The following ITGA7 variants were observed in gnomAD, a reference collection of about 807,000 sequenced individuals.
ITGA7 encodes integrin alpha-7.
ITGA7 carries 84 observed loss-of-function variants against 131.6 expected under a neutral mutation model. The observed-to-expected ratio is 0.64, with a 90% CI of 0.54 to 0.77. The LOEUF is 0.77. Among genes scored for constraint, ITGA7 ranks in the 30% least tolerant of loss-of-function variants. The pLI is 0.00. For synonymous variants in ITGA7, 548 were observed against 600.7 expected, an observed-to-expected ratio of 0.91 and a Z score of 1.28; for missense variants, 1,399 against 1,482.9, an observed-to-expected ratio of 0.94 and a Z score of 0.93.
chr12:55,711,750 G>A (rs934411843), upstream of ITGA7, among the ~76,000 whole-genome samples: 6 of 152,158 alleles, frequency 3.9e-5, no homozygotes, highest in Admixed American at 6.5e-5. Context: ...AATTTTAGAC[G>A]TTGAGAAATG....
chr12:55,712,119 T>C, upstream of ITGA7: 1 of 1,551,518 alleles, frequency 6.4e-7, no homozygotes, highest in Non-Finnish European at 8.7e-7. Context: ...AGTCAAAGCT[T>C]GAACCATGGG....
chr12:55,694,656 C>T lies in ITGA7; in HGVS notation c.2236G>A (p.Val746Ile), dbSNP rs1033785340. 2 of 1,614,086 alleles carry T rather than the reference C, an allele frequency of 1.2e-6. No homozygotes were observed. Among genetic ancestry groups the T allele is most frequent in the African/African-American group, 2.7e-5 (2 of 74,922 alleles). ...LCLSNENASH[V>I]ECELGNPMKR... The stretch of plus-strand genomic sequence containing the variant: ...ATGGGGTTCCCCAGCTCACACTCAA[C>T]ATGGGAGGCATTCTCATTGGACAGG... The change falls in exon 16 of 25, where the codon GTT (valine) becomes ATT (isoleucine). Residue 746 changes from valine to isoleucine, a missense_variant. Val to Ile is a conservative substitution (Grantham distance 29, BLOSUM62 3). Coordinates refer to ENST00000257879, the MANE Select transcript of ITGA7 (RefSeq NM_002206.3). The surrounding 1 kb of genome is among the most constrained non-coding windows in gnomAD (Gnocchi z 5.3).
intron 1 of ITGA7, among the ~76,000 whole-genome samples, chr12:55,706,238 G>A (rs1465779048): frequency 6.6e-6 from 1 of 152,204 alleles, no homozygotes; most frequent in African/African-American, 2.4e-5. Context: ...GGGAGCAAAG[G>A]TGAATGAGGA....
intron 3 of ITGA7, among the ~76,000 whole-genome samples, chr12:55,701,853 C>T (rs1874095664): frequency 6.6e-6 from 1 of 152,216 alleles, no homozygotes; most frequent in African/African-American, 2.4e-5. Flanking sequence ...GAAGTCTTCT[C>T]TCTACTCCTC....
At chr12:55,692,747 C>A in intron 21 of ITGA7, 97 bp downstream of exon 21, 2 of 1,463,460 alleles carry the variant, frequency 1.4e-6, no homozygotes, top group South Asian at 1.2e-5. Flanking sequence ...AACATCTGGT[C>A]AACTTGCACC....
Position 55,701,410 on chromosome 12 carries a change from C to A in ITGA7, c.415-256G>T, listed in dbSNP as rs1293126702. On this transcript the variant is annotated intron_variant, in intron 3 of 24. Transcript: ENST00000257879. ...GCCCTCAAATGGAGATCTCCTTGTT[C>A]CACATTCTGCCTGGAGCCAAAAGAC... 1.9e-6 allele frequency: 3 copies of A among 1,551,628 alleles called. No homozygotes were observed. The African/African-American group carries it at 4.1e-5, about 21-fold the overall frequency.
At position 55,698,099 on chromosome 12, in the gene ITGA7, C is replaced by T. The variant is rs1873063115; in HGVS notation, c.1193-73G>A. On this transcript the variant is annotated intron_variant, in intron 7 of 24. Coordinates refer to ENST00000257879, the MANE Select transcript of ITGA7 (RefSeq NM_002206.3). Reference sequence around the variant, plus strand: ...GACAAGATCCAGGCCTCAACTCCCCCCAGTCACTCAGGTATGTTTTCTATT... The same window carrying T: ...GACAAGATCCAGGCCTCAACTCCCCTCAGTCACTCAGGTATGTTTTCTATT... The T allele has an allele frequency of 4.5e-6, 6 of 1,341,512 alleles. No individual in the cohort carries two copies. The South Asian group carries it at 4.7e-5, about 11-fold the overall frequency. 83.1% of individuals were successfully genotyped at this position (1,341,512 alleles called of 1,614,324 possible).
intron 12 of ITGA7, among the ~76,000 whole-genome samples, chr12:55,696,697 A>ACCT (rs374085008): frequency 6.6e-6 from 1 of 151,878 alleles, no homozygotes; most frequent in African/African-American, 2.4e-5. Flanking sequence ...AGCCCCTTGC[A>ACCT]CCTCCTCCTC....
intron 1 of ITGA7, among the ~76,000 whole-genome samples, chr12:55,707,081 T>C (rs989570292): frequency 2.6e-5 from 4 of 152,214 alleles, no homozygotes; most frequent in Admixed American, 1.3e-4. Flanking sequence ...TCAACTTCTA[T>C]GTCCTTTCCA....
chr12:55,715,895 G>T (rs976007366), upstream of ITGA7: 1 of 943,734 alleles, frequency 1.1e-6, no homozygotes, highest in Non-Finnish European at 1.5e-6. Context: ...ATAAGTATTA[G>T]AAAATACTTC....
At chr12:55,696,752 G>A (rs1467243782) in intron 12 of ITGA7, 147 bp downstream of exon 12, 2 of 903,816 alleles carry the variant, frequency 2.2e-6, no homozygotes, top group Admixed American at 4.0e-5. Flanking sequence ...CAGATGAGGA[G>A]GAAGTGAGCT....
At position 55,707,676 on chromosome 12, in the gene ITGA7, C is replaced by T. The variant is rs544939783; in HGVS notation, c.7G>A (p.Gly3Arg). MA[G>R]ARSRDPWGAS... ...CCCCAAGGGTCGCGGCTCCGAGCCCCGGCCATGGGACGATCCCTGCGCGAG... is the reference window on the plus strand; with the variant it reads ...CCCCAAGGGTCGCGGCTCCGAGCCCTGGCCATGGGACGATCCCTGCGCGAG... The change falls in exon 1 of 25, where the codon GGG becomes AGG. Residue 3 changes from glycine (G) to arginine (R), a missense_variant. By Grantham distance (125) the Gly-to-Arg change is moderately radical. Transcript: ENST00000257879. 37 of 1,573,976 alleles carry T rather than the reference C, an allele frequency of 2.4e-5. 1 individual carries two copies. In the African/African-American group the frequency reaches 2.8e-4, roughly 12 times the overall value.
chr12:55,685,913 T>C (rs17117863), intron 24 of ITGA7, among the ~76,000 whole-genome samples: 11,269 of 152,196 alleles, frequency 0.074, 1,311 homozygotes, highest in African/African-American at 0.25. Context: ...TCCTTACACA[T>C]TCATCTCCTT....
At chr12:55,711,992 G>A (rs1876159886), upstream of ITGA7, 2 of 1,242,928 alleles carry the variant, frequency 1.6e-6, no homozygotes, top group Non-Finnish European at 1.2e-6. Context: ...CAGAGCCTTG[G>A]AGCTTATGTC....
chr12:55,704,206 A>G (rs1874691443), intron 1 of ITGA7, among the ~76,000 whole-genome samples: 1 of 152,168 alleles, frequency 6.6e-6, no homozygotes, highest in Admixed American at 6.5e-5. Context: ...CTTCTCCTCC[A>G]TCTCCCTTCC....
At chr12:55,707,187 C>T (rs561523064) in intron 1 of ITGA7, among the ~76,000 whole-genome samples, 3 of 152,294 alleles carry the variant, frequency 2.0e-5, no homozygotes, top group African/African-American at 7.2e-5. Context: ...GGGGCTGGAT[C>T]AAGGATGCAA....
At chr12:55,701,218 G>T in intron 3 of ITGA7, 64 bp from the exon 4 acceptor site, 1 of 1,610,706 alleles carries the variant, frequency 6.2e-7, no homozygotes, top group Non-Finnish European at 8.5e-7. Context: ...GAGGCATGCT[G>T]CCCATATGCA....
In ITGA7 at chr12:55,685,032, C is replaced by G; in HGVS notation, c.*26G>C. On this transcript the variant is annotated 3_prime_UTR_variant, in exon 25 of 25. Coordinates refer to ENST00000257879, the MANE Select transcript of ITGA7 (RefSeq NM_002206.3). ...CTCTGGGGAAGGGATGGAGGGCAGC[C>G]ACAGGCCAGGCTGGGACATGGGAAC... 1.9e-6 allele frequency: 3 copies of G among 1,541,060 alleles called. No individual in the cohort carries two copies. The highest frequency in any genetic ancestry group is 2.6e-6 in the Non-Finnish European group (3 of 1,145,122).
chr12:55,709,101 T>C (rs1475225121), upstream of ITGA7, among the ~76,000 whole-genome samples: 1 of 152,172 alleles, frequency 6.6e-6, no homozygotes, highest in African/African-American at 2.4e-5. Context: ...CCATCTTCCC[T>C]TCTCTCTCTC....
Sources: allele counts gnomAD v4.1 joint callset (sites outside exome capture counted in the v4.1 genomes callset), GRCh38; gene constraint gnomAD v4.1.1; non-coding constraint Gnocchi (gnomAD v3.1); transcripts MANE v1.5; gene names NCBI Gene and HGNC (gene_info 2026-07-23, HGNC 2026-07-21).